The following MYBL1 variants were observed in gnomAD, a reference collection of about 807,000 sequenced individuals.
The protein encoded by MYBL1 is MYB proto-oncogene like 1.
Under a neutral mutation model 96.3 loss-of-function variants are expected in MYBL1, and 17 were observed. The ratio of observed to expected loss-of-function variants is 0.18; its 90% confidence interval spans 0.12 to 0.26. The LOEUF is 0.26. Ranked by LOEUF, MYBL1 falls within the 10% of genes least tolerant of loss-of-function variation. The probability of loss-of-function intolerance (pLI) is 1.00; values close to 1 mark genes in which losing one functional copy is unlikely to be tolerated. For missense variants in MYBL1, 701 were observed against 882.9 expected (o/e 0.79, Z 2.61); for synonymous variants, 282 against 292.7 (o/e 0.96, Z 0.37).
intron 1 of MYBL1, among the ~76,000 whole-genome samples, chr8:66,606,573 T>C (rs1265247677): frequency 6.6e-6 from 1 of 152,242 alleles, no homozygotes; most frequent in African/African-American, 2.4e-5. Flanking sequence ...ATATACTGTC[T>C]ATAGATCCTT....
chr8:66,576,484 G>A, intron 9 of MYBL1, 109 bp from the exon 10 acceptor site: 1 of 1,287,326 alleles, frequency 7.8e-7, no homozygotes, highest in Non-Finnish European at 1.1e-6. Context: ...CATTTTATCA[G>A]TAAAAATGCT....
chr8:66,568,819 G>A (rs1247060239), intron 12 of MYBL1, among the ~76,000 whole-genome samples: 11 of 151,716 alleles, frequency 7.3e-5, no homozygotes, highest in Non-Finnish European at 1.5e-4. Context: ...GAGGTCAGGA[G>A]TTCAAGACCA....
intron 1 of MYBL1, among the ~76,000 whole-genome samples, chr8:66,609,609 CAAACTT>C (rs1298541818): frequency 1.3e-5 from 2 of 151,974 alleles, no homozygotes; most frequent in African/African-American, 4.8e-5. Context: ...TATAGTAAGA[CAAACTT>C]TACAAAACCT....
At chr8:66,583,089 T>C (rs1809282802) in intron 8 of MYBL1, among the ~76,000 whole-genome samples, 2 of 152,314 alleles carry the variant, frequency 1.3e-5, no homozygotes, top group Admixed American at 1.3e-4. Context: ...AGACCACGTA[T>C]TAGGCCACAA....
chr8:66,582,623 T>C (rs1563536768), intron 8 of MYBL1, among the ~76,000 whole-genome samples: 1 of 132,898 alleles, frequency 7.5e-6, no homozygotes, highest in Non-Finnish European at 1.6e-5. Flanking sequence ...GAGGCTGAGG[T>C]GAAAGCATCA....
intron 7 of MYBL1, 23 bp from the exon 8 acceptor site, chr8:66,592,567 G>C: frequency 7.3e-7 from 1 of 1,369,724 alleles, no homozygotes; most frequent in Non-Finnish European, 1.0e-6. Flanking sequence ...AAATAAAAGA[G>C]AAAACAGGAT....
intron 5 of MYBL1, among the ~76,000 whole-genome samples, chr8:66,596,488 TAAG>T (rs996791390): frequency 1.3e-5 from 2 of 152,134 alleles, no homozygotes; most frequent in Non-Finnish European, 2.9e-5. Flanking sequence ...CTATGAAAAG[TAAG>T]AAGACGTATA....
rs1809819661 is a variant in MYBL1, at chr8:66,595,618, T to C, written c.652A>G (p.Met218Val). 1 of 1,591,062 alleles carries C rather than the reference T, an allele frequency of 6.3e-7. No homozygotes were observed. The highest frequency in any genetic ancestry group is 1.8e-5 in the Admixed American group (1 of 56,688). The change falls in exon 6 of 16, where the codon ATG becomes GTG. Residue 218 changes from methionine to valine, a missense_variant. Physicochemically the swap from Met to Val is conservative, Grantham distance 21. Transcript: ENST00000522677. ...QHKPCAAMDH[M>V]QTQNQFYIPV... Reference sequence around the variant, plus strand: ...ATGTAAAACTGATTCTGGGTTTGCATATGATCCATAGCTGCACAAGGTTTG... The same window carrying C: ...ATGTAAAACTGATTCTGGGTTTGCACATGATCCATAGCTGCACAAGGTTTG...
At chr8:66,585,092 C>A (rs1161944422) in intron 8 of MYBL1, among the ~76,000 whole-genome samples, 3 of 129,532 alleles carry the variant, frequency 2.3e-5, no homozygotes, top group South Asian at 2.3e-4. Flanking sequence ...AGCAAAAAAA[C>A]AAACAAACAA....
intron 1 of MYBL1, 105 bp downstream of exon 1, chr8:66,612,714 G>C (rs184732313): frequency 7.9e-7 from 1 of 1,258,016 alleles, no homozygotes; most frequent in African/African-American, 1.5e-5. Flanking sequence ...AAAAACCTCT[G>C]CCCTCGCCAG....
chr8:66,596,178 G>A lies in MYBL1; in HGVS notation c.513-421C>T, dbSNP rs151204176. Among the ~76,000 whole-genome samples, 769 of 152,176 alleles carry A rather than the reference G, an allele frequency of 5.1e-3. 4 individuals carry two copies. Among genetic ancestry groups the A allele is most frequent in the African/African-American group, 0.017 (723 of 41,538 alleles). Reference sequence around the variant, plus strand: ...TTTGGTTAGAACAAACCAGCTATACGAGAACAGAAAGAAAAAAAGAGCATT... The same window carrying A: ...TTTGGTTAGAACAAACCAGCTATACAAGAACAGAAAGAAAAAAAGAGCATT... On this transcript the variant is annotated intron_variant, in intron 5 of 15. Transcript: ENST00000522677.
chr8:66,566,432 A>G (rs1202630733), intron 14 of MYBL1, among the ~76,000 whole-genome samples, 189 bp from the exon 15 acceptor site: 3 of 152,128 alleles, frequency 2.0e-5, no homozygotes, highest in Non-Finnish European at 4.4e-5. Context: ...GATATTTAAA[A>G]TCTTGAGAAC....
chr8:66,577,676 G>A (rs1172426691), intron 9 of MYBL1, among the ~76,000 whole-genome samples: 3 of 152,044 alleles, frequency 2.0e-5, no homozygotes, highest in Admixed American at 6.6e-5. Flanking sequence ...TAGATTCAGT[G>A]CCATCCCCAT....
intron 1 of MYBL1, 120 bp from the exon 2 acceptor site, chr8:66,602,643 A>G (rs556398846): frequency 1.0e-5 from 4 of 393,124 alleles, no homozygotes; most frequent in African/African-American, 8.6e-5. Context: ...TCATATTCAC[A>G]ATGAAATTAT....
Position 66,572,895 on chromosome 8 carries a change from G to A in MYBL1, c.1614-299C>T, listed in dbSNP as rs191328596. ...TTTCAGTTGGTTTTCACTGTCCTAAGGAGAAAACATAAGGTTATGATTTAA... is the reference window on the plus strand; with the variant it reads ...TTTCAGTTGGTTTTCACTGTCCTAAAGAGAAAACATAAGGTTATGATTTAA... On this transcript the variant is annotated intron_variant, in intron 11 of 15. Coordinates refer to ENST00000522677, the MANE Select transcript of MYBL1 (RefSeq NM_001080416.4). Among the ~76,000 whole-genome samples the A allele has an allele frequency of 2.0e-4, 31 of 152,148 alleles. No homozygotes were observed. The East Asian group carries it at 6.0e-3, about 29-fold the overall frequency.
intron 9 of MYBL1, 83 bp from the exon 10 acceptor site, chr8:66,576,458 G>T: frequency 2.2e-5 from 31 of 1,429,366 alleles, no homozygotes; most frequent in Non-Finnish European, 2.4e-5. Context: ...GATTTCCACA[G>T]AGTTAATTAA....
At chr8:66,590,926 CA>C (rs1467944020) in intron 8 of MYBL1, among the ~76,000 whole-genome samples, 1 of 151,948 alleles carries the variant, frequency 6.6e-6, no homozygotes, top group African/African-American at 2.4e-5. Context: ...TCAATGTTCC[CA>C]AGACAGAGAA....
chr8:66,578,422 A>G (rs1809057409), intron 9 of MYBL1, among the ~76,000 whole-genome samples: 1 of 152,258 alleles, frequency 6.6e-6, no homozygotes, highest in Non-Finnish European at 1.5e-5. Flanking sequence ...TGGGCAAAGG[A>G]TATCAACAGA....
intron 1 of MYBL1, among the ~76,000 whole-genome samples, chr8:66,603,080 G>A (rs1305899723): frequency 6.6e-6 from 1 of 151,930 alleles, no homozygotes; most frequent in African/African-American, 2.4e-5. Context: ...AAACACATGA[G>A]GTTGGATATG....
Sources: allele counts gnomAD v4.1 joint callset (sites outside exome capture counted in the v4.1 genomes callset), GRCh38; gene constraint gnomAD v4.1.1; transcripts MANE v1.5; gene names NCBI Gene and HGNC (gene_info 2026-07-23, HGNC 2026-07-21).